Variants in DGKI observed in about 807,000 individuals in gnomAD.
The protein encoded by DGKI is diacylglycerol kinase iota.
DGKI carries 55 observed loss-of-function variants against 147.5 expected under a neutral mutation model. That is an observed-to-expected ratio of 0.37 (90% confidence interval 0.30 to 0.47). The LOEUF (loss-of-function observed/expected upper bound fraction) is 0.47, where lower values mean the gene tolerates loss of function less well. Ranked by LOEUF, DGKI falls within the 20% of genes least tolerant of loss-of-function variation. The pLI is 1.00. For synonymous variants in DGKI, 469 were observed against 477.1 expected (o/e 0.98, Z 0.22); for missense variants, 1,007 against 1,323.8 (o/e 0.76, Z 3.71).
intron 2 of DGKI, among the ~76,000 whole-genome samples, chr7:137,687,180 G>A (rs1585371441): frequency 1.3e-5 from 2 of 152,292 alleles, no homozygotes; most frequent in East Asian, 3.9e-4. Flanking sequence ...TGCCACTGTG[G>A]TCAAGACCTT....
chr7:137,802,851 T>G (rs1563204570), intron 1 of DGKI, among the ~76,000 whole-genome samples: 1 of 152,216 alleles, frequency 6.6e-6, no homozygotes, highest in Non-Finnish European at 1.5e-5. Context: ...TAATTGAATT[T>G]TATTTAACTA....
At position 137,386,574 on chromosome 7, in the gene DGKI, G is replaced by A. The variant is rs538843115; in HGVS notation, c.*4646C>T. On this transcript the variant is annotated 3_prime_UTR_variant, in exon 33 of 33. Coordinates refer to ENST00000614521, the MANE Select transcript of DGKI (RefSeq NM_001321708.2). ...TGATGTATTTTGAGCATAATATCTG[G>A]GGAAGATTTTTGCAACTGCGTGACA... is the stretch of plus-strand genomic sequence containing the variant. 1.3e-5 allele frequency: 2 copies of A among 152,180 alleles called. No homozygotes were observed. The highest frequency in any genetic ancestry group is 4.8e-5 in the African/African-American group (2 of 41,534). The allele number at this position is 152,180 out of a possible 1,614,324, so 9.4% of individuals were successfully genotyped here. A position where few individuals can be genotyped will look rare whatever the true frequency, so the allele number is the denominator to read the frequency against.
intron 1 of DGKI, among the ~76,000 whole-genome samples, chr7:137,824,006 G>T (rs1042290785): frequency 2.6e-5 from 4 of 152,104 alleles, no homozygotes; most frequent in East Asian, 3.8e-4. Flanking sequence ...AAATAAAATT[G>T]TAATATGTAT....
chr7:137,587,169 G>A lies in DGKI; in HGVS notation c.1353C>T (p.Ser451=). ...GAAGGACCCCCACAGGAGGCTGAGGGCTCAGCTGCAGTTCATCCAGGATGG... is the reference window on the plus strand; with the variant it reads ...GAAGGACCCCCACAGGAGGCTGAGGACTCAGCTGCAGTTCATCCAGGATGG... ...ILSILDELQL[S]PQPPVGVLPL... is the part of the protein sequence containing the mutation. Residue 451 remains serine (S), a synonymous_variant, in exon 13 of 33, where the codon AGC becomes AGT. Transcript: ENST00000614521. 1 of 1,613,140 alleles carries A rather than the reference G, an allele frequency of 6.2e-7. No individual in the cohort carries two copies. Among genetic ancestry groups the A allele is most frequent in the Non-Finnish European group, 8.5e-7 (1 of 1,179,638 alleles).
At chr7:137,647,594 G>C (rs1821874259) in intron 5 of DGKI, among the ~76,000 whole-genome samples, 1 of 152,206 alleles carries the variant, frequency 6.6e-6, no homozygotes, top group African/African-American at 2.4e-5. Context: ...TGGCTTTCAA[G>C]AAAGTGACGG....
intron 1 of DGKI, among the ~76,000 whole-genome samples, chr7:137,743,299 T>A (rs1404604168): frequency 1.3e-5 from 2 of 152,222 alleles, no homozygotes; most frequent in East Asian, 3.8e-4. Context: ...ATCTACAGGA[T>A]ACTTCATCCA....
intron 1 of DGKI, among the ~76,000 whole-genome samples, chr7:137,796,774 G>A (rs1797045872): frequency 6.6e-6 from 1 of 152,100 alleles, no homozygotes; most frequent in Admixed American, 6.6e-5. Flanking sequence ...TTGAGAAACA[G>A]AAAAGAATGA....
chr7:137,704,201 T>C (rs1314459868), intron 1 of DGKI, among the ~76,000 whole-genome samples: 2 of 151,836 alleles, frequency 1.3e-5, no homozygotes, highest in African/African-American at 4.8e-5. Flanking sequence ...AATAAATAAA[T>C]AACAGCACCT....
intron 1 of DGKI, among the ~76,000 whole-genome samples, chr7:137,812,395 C>T (rs371910511): frequency 2.6e-5 from 4 of 152,078 alleles, no homozygotes; most frequent in East Asian, 1.9e-4. Context: ...CCTATAAAGA[C>T]GGGAGGCATT....
chr7:137,441,595 C>T (rs1000281752), intron 28 of DGKI, among the ~76,000 whole-genome samples: 5 of 152,012 alleles, frequency 3.3e-5, no homozygotes, highest in Admixed American at 3.3e-4. Context: ...GCTCTCTATG[C>T]AAGAGTACCA....
rs58290482 is a variant in DGKI, at chr7:137,464,256, C to CAAAA, written c.2613-649_2613-646dup. ...TGGGTGACAGAGCGAGACTCCATCT[C>CAAAA]AAAAAAAAAAAAAAAAAAAAAAGGA... On this transcript the variant is annotated intron_variant, in intron 26 of 32. Coordinates refer to ENST00000614521, the MANE Select transcript of DGKI (RefSeq NM_001321708.2). Among the ~76,000 whole-genome samples the CAAAA allele has an allele frequency of 1.5e-4, 7 of 47,734 alleles. 1 individual carries two copies. Among genetic ancestry groups the CAAAA allele is most frequent in the African/African-American group, 2.1e-4 (5 of 24,374 alleles). The allele number at this position is 47,734 out of a possible 152,430, so 31.3% of individuals were successfully genotyped here.
intron 1 of DGKI, among the ~76,000 whole-genome samples, chr7:137,841,938 C>T (rs950191331): frequency 1.3e-5 from 2 of 152,180 alleles, no homozygotes; most frequent in Admixed American, 6.5e-5. Flanking sequence ...GTCAATCTCC[C>T]AGGTAAAAAT....
At chr7:137,841,371 A>G (rs1798540092) in intron 1 of DGKI, among the ~76,000 whole-genome samples, 1 of 152,208 alleles carries the variant, frequency 6.6e-6, no homozygotes. Context: ...AAATCAGCCC[A>G]TTTTTATAGG....
intron 1 of DGKI, among the ~76,000 whole-genome samples, chr7:137,820,704 TG>T (rs796269452): frequency 3.2e-4 from 49 of 152,120 alleles, no homozygotes; most frequent in African/African-American, 1.1e-3. Flanking sequence ...CTCCAATGTC[TG>T]GGAAAACCCC....
chr7:137,422,554 G>A (rs1270276209), intron 28 of DGKI, among the ~76,000 whole-genome samples: 7 of 150,946 alleles, frequency 4.6e-5, no homozygotes, highest in African/African-American at 1.7e-4. Context: ...AAAAAACCAG[G>A]GAGGAGTTTT....
intron 23 of DGKI, among the ~76,000 whole-genome samples, 192 bp downstream of exon 23, chr7:137,485,182 A>C (rs1316545739): frequency 6.6e-6 from 1 of 152,080 alleles, no homozygotes; most frequent in Non-Finnish European, 1.5e-5. Context: ...CCACAGTCTA[A>C]ATTTGTGCTA....
intron 1 of DGKI, among the ~76,000 whole-genome samples, chr7:137,740,677 G>A (rs1795150108): frequency 6.6e-6 from 1 of 152,176 alleles, no homozygotes; most frequent in South Asian, 2.1e-4. Context: ...TGGCTGTTCA[G>A]TATGTTCAAA....
chr7:137,410,129 G>A (rs1387524098), intron 29 of DGKI, among the ~76,000 whole-genome samples: 2 of 152,164 alleles, frequency 1.3e-5, no homozygotes, highest in East Asian at 3.9e-4. Flanking sequence ...TTATTGGCCA[G>A]GTGCGGTGGC....
Position 137,806,587 on chromosome 7 carries a change from A to C in DGKI, c.401+39875T>G, listed in dbSNP as rs774872496. ...TACCTGGGAGTACAGGCACCTGCCA[A>C]CACGCCCGGCTAATTTTTTGTATTT... On this transcript the variant is annotated intron_variant, in intron 1 of 32. Transcript: ENST00000614521. Among the ~76,000 whole-genome samples the C allele has an allele frequency of 8.8e-4, 134 of 152,178 alleles. 1 individual carries two copies. Among genetic ancestry groups the C allele is most frequent in the Non-Finnish European group, 1.4e-3 (97 of 67,990 alleles).
Sources: gnomAD v4.1 joint callset for allele counts (sites outside exome capture counted in the v4.1 genomes callset) on GRCh38, gnomAD v4.1.1 for gene constraint, MANE v1.5 for transcripts, NCBI Gene and HGNC (gene_info 2026-07-23, HGNC 2026-07-21) for gene names.